Variants in PSME4 observed in about 807,000 individuals in gnomAD.
The protein encoded by PSME4 is proteasome activator complex subunit 4.
PSME4 carries 89 observed loss-of-function variants against 253.9 expected under a neutral mutation model. The observed-to-expected ratio is 0.35, with a 90% CI of 0.30 to 0.42. The LOEUF (loss-of-function observed/expected upper bound fraction) is 0.42. PSME4 is among the 10% of genes least tolerant of loss of function. PSME4 has a pLI of 1.00. For synonymous variants in PSME4, 851 were observed against 759.2 expected, an observed-to-expected ratio of 1.12 and a Z score of -1.99; for missense variants, 2,014 against 2,195.2, an observed-to-expected ratio of 0.92 and a Z score of 1.65.
intron 15 of PSME4, 82 bp from the exon 16 acceptor site, chr2:53,923,200 G>T: frequency 6.8e-7 from 1 of 1,477,424 alleles, no homozygotes; most frequent in Non-Finnish European, 9.2e-7. Context: ...GTAAAAGGCT[G>T]TAAATAAGCA....
chr2:53,884,687 C>T lies in PSME4; in HGVS notation c.4815+1003G>A, dbSNP rs116370063. Among the ~76,000 whole-genome samples, 1,263 of 152,200 alleles carry T rather than the reference C, an allele frequency of 8.3e-3. 9 individuals carry two copies. Among genetic ancestry groups the T allele is most frequent in the Non-Finnish European group, 0.013 (883 of 68,024 alleles). On this transcript the variant is annotated intron_variant, in intron 41 of 46. Coordinates refer to ENST00000404125, the MANE Select transcript of PSME4 (RefSeq NM_014614.3). ...TATGAATTTATGAATGTTCTATATC[C>T]GCTTGGTATGTGACAGAGGAAAAAC...
At chr2:53,905,853 C>G (rs1209436694) in intron 26 of PSME4, among the ~76,000 whole-genome samples, 1 of 152,008 alleles carries the variant, frequency 6.6e-6, no homozygotes, top group Non-Finnish European at 1.5e-5. Flanking sequence ...ATGCTCAGGA[C>G]CAGAAATGTT....
At chr2:53,970,506 TC>T (rs1015772118) in intron 1 of PSME4, 36 bp downstream of exon 1, 3 of 1,547,122 alleles carry the variant, frequency 1.9e-6, no homozygotes, top group African/African-American at 2.7e-5. Context: ...ACTGAGCCTT[TC>T]CCCCCGGCCC....
intron 21 of PSME4, among the ~76,000 whole-genome samples, chr2:53,909,391 GTA>G (rs1667718985): frequency 6.6e-6 from 1 of 152,048 alleles, no homozygotes; most frequent in Non-Finnish European, 1.5e-5. Flanking sequence ...TGATAGGAAG[GTA>G]TAAAGTTTTT....
chr2:53,958,882 C>T (rs1670354330), intron 1 of PSME4, among the ~76,000 whole-genome samples: 3 of 148,748 alleles, frequency 2.0e-5, no homozygotes, highest in Admixed American at 6.7e-5. Flanking sequence ...ACAGTGTTGA[C>T]GGAAGATTGT....
intron 1 of PSME4, among the ~76,000 whole-genome samples, chr2:53,960,363 T>A (rs1166530959): frequency 7.1e-6 from 1 of 140,950 alleles, no homozygotes; most frequent in African/African-American, 2.7e-5. Context: ...CAGGCCGCTG[T>A]ACTCCAGCCT....
At chr2:53,923,913 C>CAA (rs199929436) in intron 14 of PSME4, among the ~76,000 whole-genome samples, 4,117 of 96,196 alleles carry the variant, frequency 0.043, 347 homozygotes, top group African/African-American at 0.07. Flanking sequence ...ACAGAGTTAA[C>CAA]AAAAAAAAAA....
At chr2:53,909,721 G>A (rs1039760511) in intron 21 of PSME4, among the ~76,000 whole-genome samples, 13 of 152,168 alleles carry the variant, frequency 8.5e-5, no homozygotes, top group African/African-American at 2.9e-4. Flanking sequence ...CAGCACTCTG[G>A]GAAGCGGAGG....
intron 36 of PSME4, among the ~76,000 whole-genome samples, chr2:53,891,290 C>T (rs1291231120): frequency 6.6e-6 from 1 of 152,180 alleles, no homozygotes; most frequent in African/African-American, 2.4e-5. Context: ...TAGATTTTCT[C>T]ATAGGTTAAT....
Position 53,897,277 on chromosome 2 carries a change from C to T in PSME4, c.3607-392G>A, listed in dbSNP as rs192186012. Among the ~76,000 whole-genome samples, 4 of 148,922 alleles carry T rather than the reference C, an allele frequency of 2.7e-5. No individual in the cohort carries two copies. The East Asian group carries it at 8.3e-4, about 31-fold the overall frequency. Reference sequence around the variant, plus strand: ...CTCCCCCTCCCGGGTTCAAGCGATTCTACTGCCTCAGCCTCCCAAGTAGGT... The same window carrying T: ...CTCCCCCTCCCGGGTTCAAGCGATTTTACTGCCTCAGCCTCCCAAGTAGGT... On this transcript the variant is annotated intron_variant, in intron 31 of 46. Transcript: ENST00000404125.
At position 53,897,837 on chromosome 2, in the gene PSME4, A is replaced by C. The variant is rs1680211776; in HGVS notation, c.3606+33T>G. The C allele has an allele frequency of 1.9e-6, 3 of 1,603,384 alleles. No individual in the cohort carries two copies. In the East Asian group the frequency reaches 6.7e-5, roughly 36 times the overall value. On this transcript the variant is annotated intron_variant, in intron 31 of 46. Coordinates refer to ENST00000404125, the MANE Select transcript of PSME4 (RefSeq NM_014614.3). ...ACTTCAGGTCACGTACATATTCTCA[A>C]ACCCAAGACTGTAGCTAAAACAAGG...
intron 43 of PSME4, among the ~76,000 whole-genome samples, chr2:53,873,090 A>T (rs1287061421): frequency 6.6e-6 from 1 of 151,794 alleles, no homozygotes; most frequent in African/African-American, 2.4e-5. Context: ...AATACAAAAA[A>T]TTAGCCAGGC....
At chr2:53,931,077 A>G (rs1162595795) in intron 10 of PSME4, among the ~76,000 whole-genome samples, 2 of 152,222 alleles carry the variant, frequency 1.3e-5, no homozygotes, top group African/African-American at 4.8e-5. Context: ...CAGGAGTTCG[A>G]AACCAGCCTG....
In PSME4 at chr2:53,898,328, A is replaced by C; in HGVS notation, c.3449T>G (p.Leu1150Trp). Reference sequence around the variant, plus strand: ...GTTTCTTTGCTCCACACCATCTAGCAAGGTGTCTACCAAATTTTCATAGTT... The same window carrying C: ...GTTTCTTTGCTCCACACCATCTAGCCAGGTGTCTACCAAATTTTCATAGTT... ...LRNYENLVDT[L>W]LDGVEQRNLP... The change falls in exon 30 of 47, where the codon TTG becomes TGG. Residue 1150 changes from leucine to tryptophan, a missense_variant. Coordinates refer to ENST00000404125, the MANE Select transcript of PSME4 (RefSeq NM_014614.3). 1 of 1,607,206 alleles carries C rather than the reference A, an allele frequency of 6.2e-7. No individual in the cohort carries two copies. The highest frequency in any genetic ancestry group is 8.5e-7 in the Non-Finnish European group (1 of 1,177,302).
intron 44 of PSME4, among the ~76,000 whole-genome samples, chr2:53,867,321 GT>G (rs1208854350): frequency 6.6e-6 from 1 of 151,970 alleles, no homozygotes; most frequent in East Asian, 1.9e-4. Context: ...CTTGGCCAAC[GT>G]GGCGAAACCC....
intron 1 of PSME4, among the ~76,000 whole-genome samples, chr2:53,949,903 T>A (rs1669897013): frequency 6.6e-6 from 1 of 152,232 alleles, no homozygotes; most frequent in Non-Finnish European, 1.5e-5. Flanking sequence ...TGGTAACAAT[T>A]TCAAATGTCT....
Position 53,970,796 on chromosome 2 carries a change from C to CCGG in PSME4, c.-13_-12insCCG. ...TCGGCCGGCTCCATGAGCCCAGGGACACCCCCCCCACCCCCTCCCACCCGA... is the reference window on the plus strand; with the variant it reads ...TCGGCCGGCTCCATGAGCCCAGGGACCGGACCCCCCCCACCCCCTCCCACCCGA... On this transcript the variant is annotated 5_prime_UTR_variant, in exon 1 of 47. Transcript: ENST00000404125. The CCGG allele has an allele frequency of 6.6e-7, 1 of 1,507,844 alleles. No homozygotes were observed. Among genetic ancestry groups the CCGG allele is most frequent in the Non-Finnish European group, 8.9e-7 (1 of 1,128,522 alleles). 93.4% of individuals were successfully genotyped at this position (1,507,844 alleles called of 1,614,324 possible). A position where few individuals can be genotyped will look rare whatever the true frequency, so the allele number is the denominator to read the frequency against.
chr2:53,938,571 A>G (rs1453674640), intron 4 of PSME4, among the ~76,000 whole-genome samples: 2 of 151,800 alleles, frequency 1.3e-5, no homozygotes, highest in Admixed American at 1.3e-4. Flanking sequence ...CAGCCTCCCA[A>G]GTAGCTGCTA....
intron 29 of PSME4, among the ~76,000 whole-genome samples, chr2:53,898,682 G>A (rs561271038): frequency 1.3e-5 from 2 of 150,130 alleles, no homozygotes; most frequent in African/African-American, 2.5e-5. Context: ...CGATACACCA[G>A]GTTTCTGAAA....
Sources: gnomAD v4.1 joint callset for allele counts (sites outside exome capture counted in the v4.1 genomes callset) on GRCh38, gnomAD v4.1.1 for gene constraint, MANE v1.5 for transcripts, NCBI Gene and HGNC (gene_info 2026-07-23, HGNC 2026-07-21) for gene names.